VAT1: variants seen among roughly 807,000 people sequenced by gnomAD.
The protein encoded by VAT1 is NADPH-dependent quinone oxidoreductase VAT1.
VAT1 carries 24 observed loss-of-function variants against 33.3 expected under a neutral mutation model. That is an observed-to-expected ratio of 0.72 (90% CI 0.52 to 1.01). VAT1 has a LOEUF of 1.01. Among genes scored for constraint, VAT1 ranks in the 50% least tolerant of loss-of-function variants. The pLI is 0.00. For missense variants in VAT1, 436 were observed against 533.7 expected (o/e 0.82, Z 1.80); for synonymous variants, 212 against 225.0 (o/e 0.94, Z 0.52).
chr17:43,021,544 T>C (rs2151972055), intron 1 of VAT1, among the ~76,000 whole-genome samples: 1 of 131,984 alleles, frequency 7.6e-6, no homozygotes, highest in East Asian at 2.5e-4. Flanking sequence ...CCGTCACTCA[T>C]AGTCACAGAC....
intron 4 of VAT1, among the ~76,000 whole-genome samples, 195 bp downstream of exon 4, chr17:43,017,646 G>C (rs1289665961): frequency 2.0e-5 from 3 of 150,174 alleles, no homozygotes. Context: ...AGTTGTGACA[G>C]AGAATGAAAA....
At chr17:43,021,365 C>T (rs957826380) in intron 1 of VAT1, among the ~76,000 whole-genome samples, 2 of 152,176 alleles carry the variant, frequency 1.3e-5, no homozygotes, top group African/African-American at 4.8e-5. Context: ...GCTCTCTCTC[C>T]TCCGTGATGG....
chr17:43,018,087 C>T lies in VAT1; in HGVS notation c.715G>A (p.Asp239Asn), dbSNP rs771739240. 6.8e-6 allele frequency: 11 copies of T among 1,613,980 alleles called. No homozygotes were observed. The Admixed American group carries it at 1.0e-4, about 15-fold the overall frequency. ...LKENGVTHPI[D>N]YHTTDYVDEI... ...TCCACGTAGTCAGTCGTGTGATAGT[C>T]GATGGGATGTGTGACCCCATTCTCC... Residue 239 changes from aspartate to asparagine, a missense_variant, in exon 3 of 6, where the codon GAC (aspartate) becomes AAC (asparagine). Asp to Asn is a conservative substitution (Grantham distance 23). Around this residue, in one of 2 missense-constraint regions of VAT1, gnomAD observed 282 missense variants for 405.4 expected, o/e 0.70. Transcript: ENST00000355653.
intron 1 of VAT1, 82 bp from the exon 2 acceptor site, chr17:43,018,881 T>A (rs429464): frequency 1.4e-6 from 2 of 1,409,244 alleles, no homozygotes; most frequent in Non-Finnish European, 9.9e-7. Context: ...GGTACAAGGC[T>A]ACCTTCTTCC....
chr17:43,020,292 A>G (rs2151971631), intron 1 of VAT1: 2 of 985,308 alleles, frequency 2.0e-6, no homozygotes, highest in East Asian at 2.3e-4. Context: ...TGGACAGGAT[A>G]TCCTGTATTT....
chr17:43,015,988 G>C lies in VAT1; in HGVS notation c.*73C>G, dbSNP rs1374162643. 1 of 1,539,626 alleles carries C rather than the reference G, an allele frequency of 6.5e-7. No individual in the cohort carries two copies. The highest frequency in any genetic ancestry group is 8.9e-7 in the Non-Finnish European group (1 of 1,117,570). On this transcript the variant is annotated 3_prime_UTR_variant, in exon 6 of 6. Transcript: ENST00000355653. ...CATTATGACAGAGGCTGAAATGCAA[G>C]TCTGGTGGCCAACAGAACGTAGCTT...
intron 1 of VAT1, among the ~76,000 whole-genome samples, chr17:43,021,670 G>GT (rs943283702): frequency 1.4e-5 from 2 of 147,948 alleles, no homozygotes; most frequent in South Asian, 2.1e-4. Context: ...GCACCTTATT[G>GT]TTTTCCCCCC....
chr17:43,016,045 C>T lies in VAT1; in HGVS notation c.*16G>A. On this transcript the variant is annotated 3_prime_UTR_variant, in exon 6 of 6. Transcript: ENST00000355653. The stretch of plus-strand genomic sequence containing the variant: ...TTCTCCCTTCGCTGGTCTCTAGGGT[C>T]TCACAGCCACTTGCCCTAGTTCTCC... The T allele has an allele frequency of 6.2e-7, 1 of 1,613,892 alleles. No individual in the cohort carries two copies. The highest frequency in any genetic ancestry group is 8.5e-7 in the Non-Finnish European group (1 of 1,179,816).
intron 1 of VAT1, chr17:43,020,260 C>A (rs1035279958): frequency 6.1e-6 from 6 of 985,332 alleles, no homozygotes; most frequent in East Asian, 1.1e-4. Context: ...AGAATCCAGG[C>A]TCTTACATCA....
chr17:43,021,503 C>T (rs1481486127), intron 1 of VAT1, among the ~76,000 whole-genome samples: 1 of 152,014 alleles, frequency 6.6e-6, no homozygotes, highest in Admixed American at 6.6e-5. Context: ...GACATAGCCC[C>T]TCAAGCTCCC....
chr17:43,021,666 T>C (rs992253011), intron 1 of VAT1, among the ~76,000 whole-genome samples: 12 of 151,452 alleles, frequency 7.9e-5, no homozygotes, highest in Non-Finnish European at 1.6e-4. Context: ...ATGGGCACCT[T>C]ATTGTTTTCC....
intron 4 of VAT1, 130 bp downstream of exon 4, chr17:43,017,711 C>A: frequency 5.3e-6 from 4 of 750,162 alleles, no homozygotes; most frequent in South Asian, 3.5e-5. Flanking sequence ...CCATTCCTAA[C>A]CCTGATCGTC....
rs1335921968 is a variant in VAT1 at position 43,016,448 on chromosome 17, G to A, written c.957C>T (p.Ala319=). ...GGTGGAAGCCACACACAGCCCGGTT[G>A]GCCTGCAGCAGCTGCAGAGCTGTCA... ...FSVTALQLLQ[A]NRAVCGFHLG... Residue 319 remains alanine (A), a synonymous_variant, in exon 5 of 6, where the codon GCC becomes GCT. Transcript: ENST00000355653. 1.2e-6 allele frequency: 2 copies of A among 1,614,024 alleles called. No individual in the cohort carries two copies. Among genetic ancestry groups the A allele is most frequent in the Non-Finnish European group, 1.7e-6 (2 of 1,180,048 alleles).
chr17:43,018,726 G>C lies in VAT1; in HGVS notation c.461C>G (p.Thr154Ser). The change falls in exon 2 of 6, where the codon ACC becomes AGC. Residue 154 changes from threonine to serine, a missense_variant. Transcript: ENST00000355653. ...GGTCATGGCCTCAGGAATCAGGAAG[G>C]TCTGGACCGAGGGCACAGTCACCTC... ...QEEVTVPSVQ[T>S]FLIPEAMTFE... The C allele has an allele frequency of 6.2e-7, 1 of 1,614,098 alleles. No homozygotes were observed. Among genetic ancestry groups the C allele is most frequent in the Non-Finnish European group, 8.5e-7 (1 of 1,180,018 alleles).
rs760142963 is a variant in VAT1, at chr17:43,022,219, G to A, written c.104C>T (p.Ser35Phe). 10 of 1,567,450 alleles carry A rather than the reference G, an allele frequency of 6.4e-6. No homozygotes were observed. Among genetic ancestry groups the A allele is most frequent in the Non-Finnish European group, 8.6e-6 (10 of 1,156,906 alleles). Reference protein sequence around the residue: ...AASDPQHPAASEGAAAAAASP... With the variant: ...AASDPQHPAAFEGAAAAAASP... ...GGCGGCGGCGGCGGCGGCCCCTTCG[G>A]AGGCCGCGGGATGCTGGGGGTCGCT... is the stretch of plus-strand genomic sequence containing the variant. Residue 35 changes from serine (S) to phenylalanine (F), a missense_variant, in exon 1 of 6, where the codon TCC becomes TTC. Coordinates refer to ENST00000355653, the MANE Select transcript of VAT1 (RefSeq NM_006373.4).
In VAT1 at chr17:43,018,772, G is replaced by C. The variant is rs200589483; in HGVS notation, c.415C>G (p.Arg139Gly). ...ACCTCTTCCTGCCACATCCCTGACC[G>C]GTTCAACACCATCACCCGGTCTCCT... is the stretch of plus-strand genomic sequence containing the variant. ...KAGDRVMVLN[R>G]SGMWQEEVTV... is the part of the protein sequence containing the mutation. Residue 139 changes from arginine (R) to glycine (G), a missense_variant, in exon 2 of 6, where the codon CGG (arginine) becomes GGG (glycine). Physicochemically the swap from Arg to Gly is moderately radical, Grantham distance 125. This residue lies in a region of VAT1 where 282 missense variants were observed against 405.4 expected (regional missense o/e 0.70). Coordinates refer to ENST00000355653, the MANE Select transcript of VAT1 (RefSeq NM_006373.4). 3 of 1,614,108 alleles carry C rather than the reference G, an allele frequency of 1.9e-6. No individual in the cohort carries two copies. Among genetic ancestry groups the C allele is most frequent in the Non-Finnish European group, 1.7e-6 (2 of 1,180,026 alleles).
Position 43,016,029 on chromosome 17 carries a change from C to A in VAT1, c.*32G>T. The A allele has an allele frequency of 6.2e-7, 1 of 1,610,902 alleles. No homozygotes were observed. The highest frequency in any genetic ancestry group is 1.1e-5 in the South Asian group (1 of 90,886). On this transcript the variant is annotated 3_prime_UTR_variant, in exon 6 of 6. Coordinates refer to ENST00000355653, the MANE Select transcript of VAT1 (RefSeq NM_006373.4). ...AACGTAGCTTCCCAACTTCTCCCTT[C>A]GCTGGTCTCTAGGGTCTCACAGCCA... is the stretch of plus-strand genomic sequence containing the variant.
rs1320271957 is a variant in VAT1, at chr17:43,015,840, TCG to T, written c.*219_*220del. 2 of 610,536 alleles carry T rather than the reference TCG, an allele frequency of 3.3e-6. No individual in the cohort carries two copies. Among genetic ancestry groups the T allele is most frequent in the Non-Finnish European group, 5.8e-6 (2 of 344,436 alleles). The allele number at this position is 610,536 out of a possible 1,614,324, so 37.8% of individuals were successfully genotyped here. On this transcript the variant is annotated 3_prime_UTR_variant, in exon 6 of 6. Coordinates refer to ENST00000355653, the MANE Select transcript of VAT1 (RefSeq NM_006373.4). ...GCCGGCCTCCCTCTGACCCTCCCTG[TCG>T]CCTTGGCAGGGCCCAGACATCCAAA...
chr17:43,018,036 C>T lies in VAT1; in HGVS notation c.766G>A (p.Gly256Arg). The T allele has an allele frequency of 6.2e-7, 1 of 1,613,584 alleles. No homozygotes were observed. The highest frequency in any genetic ancestry group is 8.5e-7 in the Non-Finnish European group (1 of 1,179,536). Reference sequence around the variant, plus strand: ...CCCCCTCCCATATTATGCCCCCCACCTTTAGGGGAAATCTTCTTGATCTCA... The same window carrying T: ...CCCCCTCCCATATTATGCCCCCCACTTTTAGGGGAAATCTTCTTGATCTCA... ...VDEIKKISPK[G>R]VDIVMDPLGG... Residue 256 changes from glycine (G) to arginine (R), a missense_variant and splice_region_variant, in exon 3 of 6, where the codon GGA becomes AGA. Around this residue, in one of 2 missense-constraint regions of VAT1, gnomAD observed 282 missense variants for 405.4 expected, o/e 0.70. Transcript: ENST00000355653.
Sources: gnomAD v4.1 joint callset for allele counts (sites outside exome capture counted in the v4.1 genomes callset) on GRCh38, gnomAD v4.1.1 for gene constraint, gnomAD v4.1.1 regional missense constraint, MANE v1.5 for transcripts, NCBI Gene and HGNC (gene_info 2026-07-23, HGNC 2026-07-21) for gene names.